SAMD5: variants seen among roughly 807,000 people sequenced by gnomAD.
The protein encoded by SAMD5 is sterile alpha motif domain containing 5.
In SAMD5, 13 loss-of-function variants were observed where a neutral mutation model predicts 11.3. That is an observed-to-expected ratio of 1.15 (90% confidence interval 0.75 to 1.83). SAMD5 has a LOEUF of 1.83. SAMD5 is among the 40% of genes most tolerant of loss of function. The probability of loss-of-function intolerance (pLI) is 0.00; values close to 1 mark genes in which losing one functional copy is unlikely to be tolerated. For synonymous variants in SAMD5, 129 were observed against 111.3 expected, an observed-to-expected ratio of 1.16 and a Z score of -1.00; for missense variants, 255 against 239.1, an observed-to-expected ratio of 1.07 and a Z score of -0.44.
At chr6:147,770,199 C>T in the SAMD5 span, among the ~76,000 whole-genome samples, 1 of 152,048 alleles carries the variant, frequency 6.6e-6, no homozygotes, top group Non-Finnish European at 1.5e-5. Flanking sequence ...GGATTAGCTG[C>T]CTTTTGAGGT....
intron 1 of SAMD5, among the ~76,000 whole-genome samples, chr6:147,599,079 G>A (rs1789578106): frequency 6.6e-6 from 1 of 152,220 alleles, no homozygotes; most frequent in Non-Finnish European, 1.5e-5. Context: ...AGTTGCAGAT[G>A]AGGGAGAGTT....
rs1789063074 is a variant in SAMD5, at chr6:147,567,603, C to T, written c.*3147C>T. On this transcript the variant is annotated 3_prime_UTR_variant, in exon 2 of 2. Coordinates refer to ENST00000367474, the MANE Select transcript of SAMD5 (RefSeq NM_001030060.3). The stretch of plus-strand genomic sequence containing the variant: ...TCTATGGCTTACACCCACATACAGT[C>T]CTTGGCTCAGTGCTAGGCATGTAGC... 1.0e-6 allele frequency: 1 copy of T among 961,328 alleles called. No individual in the cohort carries two copies. Among genetic ancestry groups the T allele is most frequent in the Non-Finnish European group, 1.2e-6 (1 of 808,140 alleles). The allele number at this position is 961,328 out of a possible 1,614,324, so 59.5% of individuals were successfully genotyped here.
intron 1 of SAMD5, among the ~76,000 whole-genome samples, chr6:147,667,694 G>A (rs1484319736): frequency 6.6e-6 from 1 of 152,196 alleles, no homozygotes; most frequent in Non-Finnish European, 1.5e-5. Context: ...GCAACATCAT[G>A]CAGAATACAG....
At chr6:147,875,903 T>C in the SAMD5 span, among the ~76,000 whole-genome samples, 1,748 of 152,276 alleles carry the variant, frequency 0.011, 27 homozygotes, top group African/African-American at 0.039. Flanking sequence ...TATTTCCTTA[T>C]GTATTGCAAT....
the SAMD5 span, among the ~76,000 whole-genome samples, chr6:147,943,135 A>ATTGCTTCG: frequency 6.6e-6 from 1 of 152,116 alleles, no homozygotes; most frequent in South Asian, 2.1e-4. Context: ...CTATTGCTTC[A>ATTGCTTCG]TCTTGCCTGA....
chr6:147,913,673 G>A, the SAMD5 span, among the ~76,000 whole-genome samples: 1 of 152,280 alleles, frequency 6.6e-6, no homozygotes, highest in African/African-American at 2.4e-5. Flanking sequence ...TCCAGCCTGG[G>A]TGACAGAGCG....
chr6:147,790,838 C>A, the SAMD5 span, among the ~76,000 whole-genome samples: 1 of 138,618 alleles, frequency 7.2e-6, no homozygotes, highest in Non-Finnish European at 1.5e-5. Flanking sequence ...TCTCTGTCTC[C>A]TCTCTCTCTG....
chr6:147,520,134 T>TTTGG (rs1788229767), intron 1 of SAMD5, among the ~76,000 whole-genome samples: 1 of 150,350 alleles, frequency 6.7e-6, no homozygotes, highest in East Asian at 1.9e-4. Context: ...TTTTTTTTTT[T>TTTGG]GGAGATAGAG....
chr6:147,561,856 A>G (rs901649595), intron 1 of SAMD5, among the ~76,000 whole-genome samples: 2 of 152,220 alleles, frequency 1.3e-5, no homozygotes. Flanking sequence ...CGCATTCGGC[A>G]CAGGGAAATC....
intron 1 of SAMD5, among the ~76,000 whole-genome samples, chr6:147,706,902 A>T: frequency 6.6e-6 from 1 of 152,210 alleles, no homozygotes. Flanking sequence ...ATCCATGGGG[A>T]GACTGATATT....
chr6:147,895,213 G>A, the SAMD5 span, among the ~76,000 whole-genome samples: 1 of 152,142 alleles, frequency 6.6e-6, no homozygotes, highest in Admixed American at 6.6e-5. Flanking sequence ...TCATTTAGAG[G>A]TGACAAAGTC....
chr6:147,944,567 A>G, the SAMD5 span, among the ~76,000 whole-genome samples: 72 of 152,346 alleles, frequency 4.7e-4, no homozygotes, highest in African/African-American at 1.6e-3. Flanking sequence ...GCCAAACCAT[A>G]TTAGCATCTG....
chr6:147,624,409 C>G (rs995102970), intron 1 of SAMD5, among the ~76,000 whole-genome samples: 9 of 151,668 alleles, frequency 5.9e-5, no homozygotes, highest in African/African-American at 1.7e-4. Flanking sequence ...GTGCGTTTTG[C>G]TCCTCCAGAA....
Position 147,565,307 on chromosome 6 carries a change from G to T in SAMD5, c.*851G>T. The T allele has an allele frequency of 2.0e-6, 2 of 985,958 alleles. No individual in the cohort carries two copies. Among genetic ancestry groups the T allele is most frequent in the Middle Eastern group, 5.2e-4 (1 of 1,914 alleles). The allele number at this position is 985,958 out of a possible 1,614,324, so 61.1% of individuals were successfully genotyped here. On this transcript the variant is annotated 3_prime_UTR_variant, in exon 2 of 2. Coordinates refer to ENST00000367474, the MANE Select transcript of SAMD5 (RefSeq NM_001030060.3). ...TCTCCAGGCTTCTGACTTCAGGCCT[G>T]TGGGGGCCGGGAGGTGGGCAGCGGC... is the stretch of plus-strand genomic sequence containing the variant.
chr6:147,810,372 C>T, the SAMD5 span, among the ~76,000 whole-genome samples: 3 of 152,104 alleles, frequency 2.0e-5, no homozygotes, highest in African/African-American at 7.2e-5. Context: ...GGACATTGGT[C>T]CTTTTAGTTC....
intron 1 of SAMD5, among the ~76,000 whole-genome samples, chr6:147,642,521 A>G (rs1790328064): frequency 6.6e-6 from 1 of 152,206 alleles, no homozygotes; most frequent in Admixed American, 6.5e-5. Context: ...CATGTTCCAC[A>G]TTCTTGAGAT....
intron 1 of SAMD5, among the ~76,000 whole-genome samples, chr6:147,545,922 A>G (rs1228779308): frequency 6.6e-6 from 1 of 152,214 alleles, no homozygotes; most frequent in African/African-American, 2.4e-5. Flanking sequence ...GTGTTATGCT[A>G]AAACAAGATA....
At position 147,566,653 on chromosome 6, in the gene SAMD5, T is replaced by C. The variant is rs1583086908; in HGVS notation, c.*2197T>C. 6.1e-6 allele frequency: 6 copies of C among 981,584 alleles called. No individual in the cohort carries two copies. In the South Asian group the frequency reaches 1.4e-4, roughly 23 times the overall value. The allele number at this position is 981,584 out of a possible 1,614,324, so 60.8% of individuals were successfully genotyped here. A position where few individuals can be genotyped will look rare whatever the true frequency, so the allele number is the denominator to read the frequency against. On this transcript the variant is annotated 3_prime_UTR_variant, in exon 2 of 2. Transcript: ENST00000367474. ...GGTTTAAACCTTCTCTCTGTGTCTGTGGTTAGAATTTGAAAATAACAATGC... is the reference window on the plus strand; with the variant it reads ...GGTTTAAACCTTCTCTCTGTGTCTGCGGTTAGAATTTGAAAATAACAATGC...
chr6:147,871,317 A>G, the SAMD5 span, among the ~76,000 whole-genome samples: 1 of 152,200 alleles, frequency 6.6e-6, no homozygotes, highest in Non-Finnish European at 1.5e-5. Context: ...AATTACTAAT[A>G]TCAAAAGAGA....
Sources: gnomAD v4.1 joint callset for allele counts (sites outside exome capture counted in the v4.1 genomes callset) on GRCh38, gnomAD v4.1.1 for gene constraint, MANE v1.5 for transcripts, NCBI Gene and HGNC (gene_info 2026-07-23, HGNC 2026-07-21) for gene names.